PPP4R2: variants seen among roughly 807,000 people sequenced by gnomAD.
PPP4R2 encodes serine/threonine-protein phosphatase 4 regulatory subunit 2.
Under a neutral mutation model 47.2 loss-of-function variants are expected in PPP4R2, and 13 were observed. The observed-to-expected ratio is 0.28, with a 90% CI of 0.18 to 0.44. PPP4R2 has a LOEUF of 0.44. Among genes scored for constraint, PPP4R2 ranks in the 20% least tolerant of loss-of-function variants. The probability of loss-of-function intolerance (pLI) is 1.00; values close to 1 mark genes in which losing one functional copy is unlikely to be tolerated. For synonymous variants in PPP4R2, 151 were observed against 163.3 expected, an observed-to-expected ratio of 0.92 and a Z score of 0.57; for missense variants, 421 against 491.2, an observed-to-expected ratio of 0.86 and a Z score of 1.35.
chr3:73,017,977 T>C (rs1480394783), intron 2 of PPP4R2, among the ~76,000 whole-genome samples: 1 of 152,148 alleles, frequency 6.6e-6, no homozygotes, highest in Non-Finnish European at 1.5e-5. Context: ...ATTAACAATA[T>C]TTTGTTACTG....
chr3:73,028,705 T>G (rs569845229), intron 2 of PPP4R2, among the ~76,000 whole-genome samples: 12 of 152,246 alleles, frequency 7.9e-5, no homozygotes, highest in African/African-American at 2.9e-4. Flanking sequence ...CCCAAAGTGC[T>G]GGGATTACAG....
chr3:73,042,565 A>G (rs766217509), intron 2 of PPP4R2, among the ~76,000 whole-genome samples: 3 of 151,660 alleles, frequency 2.0e-5, no homozygotes, highest in Non-Finnish European at 2.9e-5. Flanking sequence ...GGATTTCACC[A>G]TGTTGGCCAG....
At chr3:73,044,589 G>A (rs1241436664) in intron 2 of PPP4R2, among the ~76,000 whole-genome samples, 2 of 152,054 alleles carry the variant, frequency 1.3e-5, no homozygotes, top group Admixed American at 6.6e-5. Context: ...GTCTCAGAAA[G>A]GAAAGTTTCA....
chr3:73,055,417 C>CGTGTGTGTGTGTGTGTGTGTGT (rs10663655), intron 3 of PPP4R2, among the ~76,000 whole-genome samples: 7 of 137,416 alleles, frequency 5.1e-5, no homozygotes, highest in Admixed American at 2.2e-4. Context: ...AGTGGGGTAG[C>CGTGTGTGTGTGTGTGTGTGTGT]GTGTGTGTGT....
chr3:73,041,936 A>G (rs753003406), intron 2 of PPP4R2, among the ~76,000 whole-genome samples: 7 of 152,220 alleles, frequency 4.6e-5, no homozygotes, highest in Non-Finnish European at 1.0e-4. Flanking sequence ...AAAAAGGTCA[A>G]TGTAAAATCT....
intron 2 of PPP4R2, among the ~76,000 whole-genome samples, chr3:73,019,142 A>G (rs1245050916): frequency 2.0e-5 from 3 of 152,208 alleles, no homozygotes; most frequent in Non-Finnish European, 4.4e-5. Flanking sequence ...GTTCAGACAT[A>G]CGAATACTTA....
At chr3:73,042,628 G>T (rs1241547195) in intron 2 of PPP4R2, among the ~76,000 whole-genome samples, 2 of 151,932 alleles carry the variant, frequency 1.3e-5, no homozygotes, top group African/African-American at 4.8e-5. Context: ...CTCCCAAAGT[G>T]CTGGGATTAC....
intron 2 of PPP4R2, among the ~76,000 whole-genome samples, chr3:73,005,352 T>A (rs1195456144): frequency 1.5e-4 from 21 of 144,142 alleles, no homozygotes; most frequent in Admixed American, 2.7e-4. Flanking sequence ...TTTTTTTTTT[T>A]ATCCACTTAT....
rs1336338267 is a variant in PPP4R2, at chr3:73,068,497, A to AT, written c.*2779dup. 3 of 152,322 alleles carry AT rather than the reference A, an allele frequency of 2.0e-5. No individual in the cohort carries two copies. Among genetic ancestry groups the AT allele is most frequent in the Non-Finnish European group, 4.4e-5 (3 of 68,026 alleles). The allele number at this position is 152,322 out of a possible 1,614,324, so 9.4% of individuals were successfully genotyped here. On this transcript the variant is annotated 3_prime_UTR_variant, in exon 9 of 9. Transcript: ENST00000356692. ...GTAGCAGAAGTAGTGAAAATGTCAT[A>AT]TTTTAAATGTTGATTATTAGATAAA...
Position 73,065,584 on chromosome 3 carries a change from T to C in PPP4R2, c.1116T>C (p.Ser372=). 2 of 1,613,702 alleles carry C rather than the reference T, an allele frequency of 1.2e-6. No individual in the cohort carries two copies. The highest frequency in any genetic ancestry group is 1.1e-5 in the South Asian group (1 of 91,072). ...EGSENEGPVS[S]SSSDCRETEE... ...GTGAAAACGAAGGCCCTGTAAGTAG[T>C]AGTTCTTCTGACTGCCGTGAAACAG... The change falls in exon 9 of 9, where the codon AGT becomes AGC. Residue 372 remains serine, a synonymous_variant. Transcript: ENST00000356692.
chr3:73,048,315 T>A (rs947741340), intron 3 of PPP4R2, among the ~76,000 whole-genome samples: 23 of 152,332 alleles, frequency 1.5e-4, no homozygotes, highest in Non-Finnish European at 2.6e-4. Flanking sequence ...TGCAGTGGCA[T>A]GATCTCGGCT....
intron 2 of PPP4R2, among the ~76,000 whole-genome samples, chr3:73,036,842 A>G (rs1479815431): frequency 6.7e-6 from 1 of 149,348 alleles, no homozygotes; most frequent in Non-Finnish European, 1.5e-5. Context: ...AAAATAAACG[A>G]ATACCAAAAT....
intron 2 of PPP4R2, among the ~76,000 whole-genome samples, chr3:73,045,257 C>A (rs1423220416): frequency 6.6e-6 from 1 of 152,194 alleles, no homozygotes; most frequent in East Asian, 1.9e-4. Context: ...CCTGTCTCGG[C>A]TTCCCAAAGT....
intron 2 of PPP4R2, among the ~76,000 whole-genome samples, chr3:73,032,939 C>CT (rs1702196677): frequency 6.6e-6 from 1 of 152,102 alleles, no homozygotes; most frequent in Admixed American, 6.5e-5. Flanking sequence ...GTTGAGCCTT[C>CT]TTAACTGCTC....
At chr3:73,051,002 C>G (rs565172195) in intron 3 of PPP4R2, among the ~76,000 whole-genome samples, 1 of 152,318 alleles carries the variant, frequency 6.6e-6, no homozygotes, top group East Asian at 1.9e-4. Context: ...ACATCCTCCC[C>G]CTCCTGGGTT....
intron 2 of PPP4R2, among the ~76,000 whole-genome samples, chr3:72,999,969 A>G (rs1040141622): frequency 1.3e-5 from 2 of 152,212 alleles, no homozygotes; most frequent in South Asian, 2.1e-4. Flanking sequence ...AGTTTCTGCT[A>G]CCTATTTATG....
intron 2 of PPP4R2, among the ~76,000 whole-genome samples, chr3:73,001,545 G>T (rs1032917226): frequency 3.9e-5 from 6 of 152,224 alleles, no homozygotes; most frequent in African/African-American, 1.4e-4. Context: ...CAGCACTCCA[G>T]TCTGGGCAAC....
intron 2 of PPP4R2, chr3:73,027,797 T>C (rs1575858020): frequency 6.6e-6 from 1 of 151,442 alleles, no homozygotes; most frequent in Non-Finnish European, 1.5e-5. Flanking sequence ...GAAATGAGGG[T>C]TAAGAGTGGA....
chr3:73,062,466 T>G, intron 5 of PPP4R2: 1 of 1,612,950 alleles, frequency 6.2e-7, no homozygotes, highest in Non-Finnish European at 8.5e-7. Context: ...TTTAGTATTC[T>G]TGTGTTTCAT....
Sources: gnomAD v4.1 joint callset for allele counts (sites outside exome capture counted in the v4.1 genomes callset) on GRCh38, gnomAD v4.1.1 for gene constraint, MANE v1.5 for transcripts, NCBI Gene and HGNC (gene_info 2026-07-23, HGNC 2026-07-21) for gene names.